The following PIP4K2A variants were observed in gnomAD, a reference collection of about 807,000 sequenced individuals.
The protein encoded by PIP4K2A is phosphatidylinositol-5-phosphate 4-kinase type 2 alpha, also known as phosphatidylinositol 5-phosphate 4-kinase type-2 alpha.
PIP4K2A carries 14 observed loss-of-function variants against 42.9 expected under a neutral mutation model. The ratio of observed to expected loss-of-function variants is 0.33; its 90% CI spans 0.22 to 0.51. The LOEUF is 0.51. PIP4K2A is among the 20% of genes least tolerant of loss of function. The pLI is 0.97. For synonymous variants in PIP4K2A, 192 were observed against 192.2 expected (o/e 1.00, Z 0.01); for missense variants, 434 against 519.8 (o/e 0.83, Z 1.61).
At position 22,541,839 on chromosome 10, in the gene PIP4K2A, G is replaced by A. The variant is rs561310438; in HGVS notation, c.1001C>T (p.Pro334Leu). 13 of 1,580,112 alleles carry A rather than the reference G, an allele frequency of 8.2e-6. No homozygotes were observed. Among genetic ancestry groups the A allele is most frequent in the East Asian group, 6.7e-5 (3 of 44,520 alleles). The part of the protein sequence containing the change: ...SPPLAPGEFD[P>L]NIDVYGIKCH... ...CTTAATTCCATAGACGTCGATGTTC[G>A]GATCGAACTCCCCGGGAGCCAGGGG... Residue 334 changes from proline to leucine, a missense_variant, in exon 8 of 10, where the codon CCG becomes CTG. Physicochemically the swap from Pro to Leu is moderately conservative, Grantham distance 98. Around this residue, in one of 2 missense-constraint regions of PIP4K2A, gnomAD observed 395 missense variants for 444.5 expected, o/e 0.89. Coordinates refer to ENST00000376573, the MANE Select transcript of PIP4K2A (RefSeq NM_005028.5).
chr10:22,701,850 A>G (rs922554820), intron 1 of PIP4K2A, among the ~76,000 whole-genome samples: 2 of 152,226 alleles, frequency 1.3e-5, no homozygotes, highest in African/African-American at 4.8e-5. Flanking sequence ...CTTTGGCTCT[A>G]AGGGCTTTGA....
At chr10:22,682,799 G>C (rs951584787) in intron 1 of PIP4K2A, among the ~76,000 whole-genome samples, 1 of 152,124 alleles carries the variant, frequency 6.6e-6, no homozygotes, top group Non-Finnish European at 1.5e-5. Flanking sequence ...GGTTAGTCAG[G>C]TTCACACACC....
Position 22,589,281 on chromosome 10 carries a change from A to G in PIP4K2A, c.492+2348T>C, listed in dbSNP as rs191738642. Among the ~76,000 whole-genome samples the G allele has an allele frequency of 7.9e-5, 12 of 152,354 alleles. No individual in the cohort carries two copies. In the East Asian group the frequency reaches 2.3e-3, roughly 29 times the overall value. On this transcript the variant is annotated intron_variant, in intron 4 of 9. Transcript: ENST00000376573. ...CAATTTCCAGAGGGGAAAAAATGAA[A>G]AAGTAGACAGTTTAAAAGGTGAAGA...
At chr10:22,670,688 G>C (rs950352249) in intron 1 of PIP4K2A, among the ~76,000 whole-genome samples, 1 of 152,040 alleles carries the variant, frequency 6.6e-6, no homozygotes, top group Non-Finnish European at 1.5e-5. Context: ...TTTCTCCATA[G>C]TATTCAAAAA....
intron 1 of PIP4K2A, among the ~76,000 whole-genome samples, chr10:22,700,458 G>A (rs1753501304): frequency 6.6e-6 from 1 of 152,140 alleles, no homozygotes; most frequent in South Asian, 2.1e-4. Flanking sequence ...CCAGTGCTTG[G>A]GAACGTGACA....
In PIP4K2A at chr10:22,536,661, AATCATCATTATT is replaced by A. The variant is rs1835927451; in HGVS notation, c.*528_*539del. 7.0e-6 allele frequency: 1 copy of A among 141,966 alleles called. No homozygotes were observed. The highest frequency in any genetic ancestry group is 1.5e-5 in the Non-Finnish European group (1 of 66,820). The allele number at this position is 141,966 out of a possible 1,614,324, so 8.8% of individuals were successfully genotyped here. On this transcript the variant is annotated 3_prime_UTR_variant, in exon 10 of 10. Coordinates refer to ENST00000376573, the MANE Select transcript of PIP4K2A (RefSeq NM_005028.5). ...TTGGAATCATCATCATTATTATAAT[AATCATCATTATT>A]ATCTTCATTATTCTGAATACTGTCT...
At chr10:22,580,967 T>C (rs1398518579) in intron 4 of PIP4K2A, among the ~76,000 whole-genome samples, 1 of 152,160 alleles carries the variant, frequency 6.6e-6, no homozygotes, top group Non-Finnish European at 1.5e-5. Context: ...TGCAGACACT[T>C]TGAAGTCCCA....
intron 9 of PIP4K2A, among the ~76,000 whole-genome samples, chr10:22,539,133 C>G (rs1043451835): frequency 2.0e-5 from 3 of 152,144 alleles, no homozygotes; most frequent in Admixed American, 6.6e-5. Context: ...CTGTAAAGTT[C>G]AGCCAGGCAG....
At chr10:22,541,360 C>T (rs1836108035) in intron 8 of PIP4K2A, among the ~76,000 whole-genome samples, 1 of 152,118 alleles carries the variant, frequency 6.6e-6, no homozygotes, top group African/African-American at 2.4e-5. Flanking sequence ...CATGCATGTG[C>T]CTAGCTTAGA....
Position 22,591,775 on chromosome 10 carries a change from G to A in PIP4K2A, c.346C>T (p.Leu116=). The change falls in exon 4 of 10, where the codon CTG becomes TTG. Residue 116 remains leucine, a synonymous_variant. Transcript: ENST00000376573. ...GIDDQDFQNS[L]TRSAPLPNDS... ...TTGGGGAGGGGTGCGCTCCTGGTCA[G>A]GGAATTCTTCCCGGGTGGGGTAAGA... 2 of 1,609,364 alleles carry A rather than the reference G, an allele frequency of 1.2e-6. No individual in the cohort carries two copies. The highest frequency in any genetic ancestry group is 8.5e-7 in the Non-Finnish European group (1 of 1,177,488).
chr10:22,568,702 T>C (rs1244038344), intron 5 of PIP4K2A, among the ~76,000 whole-genome samples: 2 of 151,886 alleles, frequency 1.3e-5, no homozygotes, highest in Non-Finnish European at 1.5e-5. Context: ...AGGGGTAGAG[T>C]CCAAGCAGAG....
intron 1 of PIP4K2A, among the ~76,000 whole-genome samples, chr10:22,622,515 G>A (rs1409186240): frequency 2.0e-5 from 3 of 152,204 alleles, no homozygotes; most frequent in African/African-American, 7.2e-5. Flanking sequence ...TGCTGCAATC[G>A]CACCTTTGGC....
chr10:22,696,130 C>T (rs1453317927), intron 1 of PIP4K2A, among the ~76,000 whole-genome samples: 1 of 152,184 alleles, frequency 6.6e-6, no homozygotes, highest in Non-Finnish European at 1.5e-5. Context: ...AAGTATCAGC[C>T]ATGTGTCTGG....
chr10:22,624,663 A>T (rs1212884899), intron 1 of PIP4K2A, among the ~76,000 whole-genome samples: 1 of 152,184 alleles, frequency 6.6e-6, no homozygotes, highest in East Asian at 1.9e-4. Flanking sequence ...GGTGCTTCTC[A>T]GTAGTATGTT....
intron 1 of PIP4K2A, among the ~76,000 whole-genome samples, chr10:22,699,596 G>C (rs1833672149): frequency 6.6e-6 from 1 of 152,040 alleles, no homozygotes; most frequent in Non-Finnish European, 1.5e-5. Context: ...GTTTAGAGCA[G>C]TATCTTCAAA....
intron 1 of PIP4K2A, among the ~76,000 whole-genome samples, chr10:22,698,711 T>C (rs1340716471): frequency 6.6e-6 from 1 of 152,184 alleles, no homozygotes; most frequent in Admixed American, 6.5e-5. Flanking sequence ...GAATACATAG[T>C]AAGATTAAAT....
chr10:22,597,741 A>G (rs1837665781), intron 3 of PIP4K2A, among the ~76,000 whole-genome samples: 1 of 152,108 alleles, frequency 6.6e-6, no homozygotes, highest in South Asian at 2.1e-4. Flanking sequence ...GCCTAGCAGA[A>G]GACACCATTT....
chr10:22,711,034 T>C (rs1413938813), intron 1 of PIP4K2A, among the ~76,000 whole-genome samples: 1 of 152,236 alleles, frequency 6.6e-6, no homozygotes, highest in East Asian at 1.9e-4. Context: ...ATTCTAAATG[T>C]AACAAGACAA....
chr10:22,625,435 T>G (rs1246182058), intron 1 of PIP4K2A, among the ~76,000 whole-genome samples: 1 of 152,226 alleles, frequency 6.6e-6, no homozygotes, highest in Non-Finnish European at 1.5e-5. Context: ...ATGACTATAA[T>G]GTATACATCA....
Sources: allele counts gnomAD v4.1 joint callset (sites outside exome capture counted in the v4.1 genomes callset), GRCh38; gene constraint gnomAD v4.1.1; regional missense constraint gnomAD v4.1.1; transcripts MANE v1.5; gene names NCBI Gene and HGNC (gene_info 2026-07-23, HGNC 2026-07-21).